The following ACSBG1 variants were observed in gnomAD, a reference collection of about 807,000 sequenced individuals.
The protein encoded by ACSBG1 is long-chain-fatty-acid--CoA ligase ACSBG1.
In ACSBG1, 39 loss-of-function variants were observed where a neutral mutation model predicts 80.2. That is an observed-to-expected ratio of 0.49 (90% CI 0.38 to 0.64). The LOEUF (loss-of-function observed/expected upper bound fraction) is 0.64, where lower values mean the gene tolerates loss of function less well. ACSBG1 is among the 30% of genes least tolerant of loss of function. The pLI is 0.00. For missense variants in ACSBG1, 828 were observed against 966.4 expected (o/e 0.86, Z 1.90); for synonymous variants, 392 against 379.5 (o/e 1.03, Z -0.38).
intron 2 of ACSBG1, 33 bp downstream of exon 2, chr15:78,207,969 C>T: frequency 8.1e-7 from 1 of 1,236,622 alleles, no homozygotes; most frequent in Non-Finnish European, 1.2e-6. Flanking sequence ...AGTTTCCCGC[C>T]CTGCCCCACC....
chr15:78,194,422 C>A, intron 3 of ACSBG1, 84 bp downstream of exon 3: 1 of 1,286,364 alleles, frequency 7.8e-7, no homozygotes, highest in Non-Finnish European at 1.1e-6. Flanking sequence ...GCCCAGTGGG[C>A]AGTTGGAGAG....
chr15:78,188,380 C>T (rs2075025546), intron 5 of ACSBG1, among the ~76,000 whole-genome samples: 1 of 151,712 alleles, frequency 6.6e-6, no homozygotes, highest in Admixed American at 6.6e-5. Context: ...AATCCTAAGC[C>T]AAAAGAACAA....
chr15:78,212,879 G>A (rs1169183740), intron 1 of ACSBG1, among the ~76,000 whole-genome samples: 1 of 152,190 alleles, frequency 6.6e-6, no homozygotes, highest in African/African-American at 2.4e-5. Context: ...CAGAATCAAT[G>A]GAGAATGCCT....
intron 1 of ACSBG1, among the ~76,000 whole-genome samples, chr15:78,210,452 T>C (rs537146285): frequency 2.9e-4 from 44 of 152,344 alleles, no homozygotes; most frequent in Non-Finnish European, 5.6e-4. Flanking sequence ...AGTAACTTCC[T>C]GCTCACACAG....
At chr15:78,181,634 C>T (rs548169432) in intron 8 of ACSBG1, among the ~76,000 whole-genome samples, 3 of 151,956 alleles carry the variant, frequency 2.0e-5, no homozygotes, top group African/African-American at 7.2e-5. Context: ...GCTGGGACTA[C>T]AGGCACCTGC....
rs186417652 is a variant in ACSBG1, at chr15:78,194,736, G to C, written c.233-10C>G. ...GTCCACAGCGCCTCCTCTGTGGGGTGGGGGAGACCACAGCTTGGATCATGC... is the reference window on the plus strand; with the variant it reads ...GTCCACAGCGCCTCCTCTGTGGGGTCGGGGAGACCACAGCTTGGATCATGC... On this transcript the variant is annotated splice_polypyrimidine_tract_variant and intron_variant, in intron 2 of 13. Transcript: ENST00000258873. 2.5e-6 allele frequency: 4 copies of C among 1,609,562 alleles called. No individual in the cohort carries two copies. The highest frequency in any genetic ancestry group is 3.4e-6 in the Non-Finnish European group (4 of 1,178,930).
chr15:78,216,124 C>T (rs949073896), intron 1 of ACSBG1, among the ~76,000 whole-genome samples: 1 of 152,174 alleles, frequency 6.6e-6, no homozygotes. Flanking sequence ...TCCTCATTCC[C>T]AAAGTTGGAA....
At chr15:78,200,745 T>C (rs916881279) in intron 2 of ACSBG1, among the ~76,000 whole-genome samples, 6 of 152,174 alleles carry the variant, frequency 3.9e-5, no homozygotes, top group Non-Finnish European at 8.8e-5. Context: ...TGGGTGACCT[T>C]GGGCAGCCAT....
At chr15:78,227,044 A>G (rs1318149659) in intron 1 of ACSBG1, among the ~76,000 whole-genome samples, 1 of 150,822 alleles carries the variant, frequency 6.6e-6, no homozygotes, top group Non-Finnish European at 1.5e-5. Context: ...ACATGGTGAA[A>G]CCTGGTCTCT....
At chr15:78,217,274 C>T (rs1423724916) in intron 1 of ACSBG1, among the ~76,000 whole-genome samples, 1 of 152,194 alleles carries the variant, frequency 6.6e-6, no homozygotes, top group Non-Finnish European at 1.5e-5. Flanking sequence ...TTCGTAACAG[C>T]CCAATGAGGT....
At chr15:78,194,771 G>A (rs984802436) in intron 2 of ACSBG1, 45 bp from the exon 3 acceptor site, 2 of 1,587,092 alleles carry the variant, frequency 1.3e-6, no homozygotes, top group East Asian at 4.5e-5. Context: ...CCAGCCTGGG[G>A]ACACTTGTCC....
At chr15:78,202,096 G>T (rs2075174075) in intron 2 of ACSBG1, among the ~76,000 whole-genome samples, 2 of 152,200 alleles carry the variant, frequency 1.3e-5, no homozygotes, top group African/African-American at 4.8e-5. Context: ...GTAGGGCAGG[G>T]AGAAACTGAA....
At chr15:78,195,528 C>G (rs1023444755) in intron 2 of ACSBG1, among the ~76,000 whole-genome samples, 5 of 148,698 alleles carry the variant, frequency 3.4e-5, no homozygotes, top group African/African-American at 2.6e-5. Context: ...ACTTAGTATG[C>G]AAGACTTGGA....
chr15:78,193,130 A>G (rs1431851687), intron 5 of ACSBG1, among the ~76,000 whole-genome samples: 1 of 151,616 alleles, frequency 6.6e-6, no homozygotes, highest in East Asian at 1.9e-4. Context: ...TTGAGTGCTC[A>G]AGATGTCACA....
chr15:78,181,229 C>G, intron 8 of ACSBG1: 1 of 403,970 alleles, frequency 2.5e-6, no homozygotes, highest in Admixed American at 4.1e-5. Context: ...TCCCATTCCC[C>G]TCGGCAGCAT....
chr15:78,231,029 A>C (rs2075442237), intron 1 of ACSBG1, among the ~76,000 whole-genome samples: 1 of 152,214 alleles, frequency 6.6e-6, no homozygotes, highest in South Asian at 2.1e-4. Flanking sequence ...CAGTGGTGCC[A>C]TCATGGCTTG....
At chr15:78,182,676 C>T (rs755469831) in intron 6 of ACSBG1, 29 bp downstream of exon 6, 7 of 1,613,880 alleles carry the variant, frequency 4.3e-6, no homozygotes, top group East Asian at 2.2e-5. Context: ...ATAGGCCCCA[C>T]CTGGCGCCCA....
At position 78,168,211 on chromosome 15, in the gene ACSBG1, T is replaced by A. The variant is rs1260080616; in HGVS notation, c.*3233A>T. ...CTGAGGCAGGAGGATCACCTTAGCC[T>A]CTGAGTTCAAGACCAGCCTGGGCCA... On this transcript the variant is annotated 3_prime_UTR_variant, in exon 14 of 14. Transcript: ENST00000258873. 2 of 151,220 alleles carry A rather than the reference T, an allele frequency of 1.3e-5. No homozygotes were observed. Among genetic ancestry groups the A allele is most frequent in the Non-Finnish European group, 1.5e-5 (1 of 67,944 alleles). The allele number at this position is 151,220 out of a possible 1,614,324, so 9.4% of individuals were successfully genotyped here.
At chr15:78,199,758 A>G (rs1052568190) in intron 2 of ACSBG1, among the ~76,000 whole-genome samples, 2 of 151,788 alleles carry the variant, frequency 1.3e-5, no homozygotes, top group Non-Finnish European at 2.9e-5. Flanking sequence ...TGACCTCCCA[A>G]AGTGCTGGGA....
Sources: allele counts gnomAD v4.1 joint callset (sites outside exome capture counted in the v4.1 genomes callset), GRCh38; gene constraint gnomAD v4.1.1; transcripts MANE v1.5; gene names NCBI Gene and HGNC (gene_info 2026-07-23, HGNC 2026-07-21).